Variants in UBE2Q2 observed in about 807,000 individuals in gnomAD.
UBE2Q2 encodes the protein ubiquitin conjugating enzyme E2 Q2.
UBE2Q2 carries 54 observed loss-of-function variants against 59.9 expected under a neutral mutation model. The ratio of observed to expected loss-of-function variants is 0.90; its 90% CI spans 0.72 to 1.13. The LOEUF is 1.13. Ranked by LOEUF, UBE2Q2 falls within the 50% of genes most tolerant of loss-of-function variation. The probability of loss-of-function intolerance (pLI) is 0.00; values close to 1 mark genes in which losing one functional copy is unlikely to be tolerated. For synonymous variants in UBE2Q2, 165 were observed against 155.2 expected (o/e 1.06, Z -0.47); for missense variants, 433 against 441.9 (o/e 0.98, Z 0.18).
At chr15:75,882,495 C>T (rs1198081599) in intron 8 of UBE2Q2, among the ~76,000 whole-genome samples, 1 of 152,122 alleles carries the variant, frequency 6.6e-6, no homozygotes, top group Non-Finnish European at 1.5e-5. Flanking sequence ...TTTGTAGTCA[C>T]TCATTAGGGA....
rs1286996555 is a variant in UBE2Q2, at chr15:75,843,865, G to T, written c.180+19G>T. 1 of 1,541,108 alleles carries T rather than the reference G, an allele frequency of 6.5e-7. No homozygotes were observed. On this transcript the variant is annotated intron_variant, in intron 1 of 12. Transcript: ENST00000267938. ...CATCACGGTGAGGCGCCCGGCCGCG[G>T]CCCCGCGGGGCAGGGCGAGGACGGA...
chr15:75,872,215 G>A (rs1897832593), intron 4 of UBE2Q2, among the ~76,000 whole-genome samples: 2 of 151,664 alleles, frequency 1.3e-5, no homozygotes, highest in South Asian at 2.1e-4. Context: ...GCAACGGAGC[G>A]AGACTCCATC....
At position 75,869,023 on chromosome 15, in the gene UBE2Q2, T is replaced by TA; in HGVS notation, c.447+14dup. The stretch of plus-strand genomic sequence containing the variant: ...AGAGATGGCTGAAGTAGGTATTTTA[T>TA]ATAAAAGAAGAGTTCATAAATTTCT... On this transcript the variant is annotated intron_variant, in intron 4 of 12. Coordinates refer to ENST00000267938, the MANE Select transcript of UBE2Q2 (RefSeq NM_173469.4). 1 of 1,604,960 alleles carries TA rather than the reference T, an allele frequency of 6.2e-7. No homozygotes were observed. Among genetic ancestry groups the TA allele is most frequent in the African/African-American group, 1.3e-5 (1 of 74,552 alleles).
rs771944412 is a variant in UBE2Q2, at chr15:75,843,793, C to T, written c.127C>T (p.Gln43Ter). ...GCACTGCCAGTTCCTGGTGCCGCAG[C>T]AGGGCAGCCCGCACTCGCTGCCGCC... is the stretch of plus-strand genomic sequence containing the variant. ...ELHCQFLVPQ[Q>*]GSPHSLPPPL... Residue 43 changes from glutamine to a stop codon, truncating the protein, a stop_gained, in exon 1 of 13, where the codon CAG (glutamine) becomes TAG (stop). Transcript: ENST00000267938. LOFTEE classifies it high-confidence loss of function. 3 of 1,607,086 alleles carry T rather than the reference C, an allele frequency of 1.9e-6. No homozygotes were observed. Among genetic ancestry groups the T allele is most frequent in the Admixed American group, 1.7e-5 (1 of 59,528 alleles).
intron 1 of UBE2Q2, among the ~76,000 whole-genome samples, chr15:75,849,231 A>G (rs892939010): frequency 4.6e-5 from 7 of 152,172 alleles, no homozygotes; most frequent in African/African-American, 1.4e-4. Flanking sequence ...AATTCTGTCA[A>G]TTTACTTCGT....
At chr15:75,896,034 T>C (rs1899402738) in intron 11 of UBE2Q2, among the ~76,000 whole-genome samples, 1 of 152,290 alleles carries the variant, frequency 6.6e-6, no homozygotes, top group South Asian at 2.1e-4. Context: ...AAAACAGGTA[T>C]GTTCTATACT....
In UBE2Q2 at chr15:75,859,907, T is replaced by C. The variant is rs200781215; in HGVS notation, c.312T>C (p.Cys104=). 18 of 1,601,208 alleles carry C rather than the reference T, an allele frequency of 1.1e-5. No individual in the cohort carries two copies. The African/African-American group carries it at 2.3e-4, about 20-fold the overall frequency. ...LLRQQLKWLI[C]ELCSLYNLPK... is the part of the protein sequence containing the mutation. Reference sequence around the variant, plus strand: ...GTCAGCAATTGAAGTGGTTGATATGTGAACTCTGCAGTTTATATAACCTTC... The same window carrying C: ...GTCAGCAATTGAAGTGGTTGATATGCGAACTCTGCAGTTTATATAACCTTC... The change falls in exon 3 of 13, where the codon TGT becomes TGC. Residue 104 remains cysteine, a synonymous_variant. Coordinates refer to ENST00000267938, the MANE Select transcript of UBE2Q2 (RefSeq NM_173469.4).
intron 3 of UBE2Q2, among the ~76,000 whole-genome samples, chr15:75,863,227 C>T (rs2593282): frequency 6.6e-6 from 1 of 152,198 alleles, no homozygotes; most frequent in African/African-American, 2.4e-5. Flanking sequence ...CAATATCCCC[C>T]TAACCTCCAC....
chr15:75,856,853 G>GA (rs1201807021), intron 2 of UBE2Q2, among the ~76,000 whole-genome samples: 2 of 151,922 alleles, frequency 1.3e-5, no homozygotes, highest in Non-Finnish European at 2.9e-5. Flanking sequence ...TGAGGCAGGA[G>GA]AAGTGCTTCA....
At chr15:75,857,410 G>A (rs1431025630) in intron 2 of UBE2Q2, among the ~76,000 whole-genome samples, 1 of 152,160 alleles carries the variant, frequency 6.6e-6, no homozygotes, top group African/African-American at 2.4e-5. Flanking sequence ...TTTTTTAAAA[G>A]TGAATATATT....
chr15:75,844,615 T>C, intron 1 of UBE2Q2: 1 of 1,027,388 alleles, frequency 9.7e-7, no homozygotes. Flanking sequence ...GAAAAGACAC[T>C]TTTAAAAACT....
Position 75,883,346 on chromosome 15 carries a change from C to G in UBE2Q2, c.826-20C>G, listed in dbSNP as rs535104493. ...AAGGATGTTCTTTAAATTAATTAAA[C>G]TTGCTTATTTGCTTTTTAGGATAAC... On this transcript the variant is annotated intron_variant, in intron 8 of 12. Transcript: ENST00000267938. The G allele has an allele frequency of 1.2e-5, 20 of 1,606,464 alleles. No individual in the cohort carries two copies. The highest frequency in any genetic ancestry group is 1.6e-5 in the Non-Finnish European group (19 of 1,174,082).
intron 11 of UBE2Q2, among the ~76,000 whole-genome samples, chr15:75,896,676 C>A (rs1899440832): frequency 6.6e-6 from 1 of 152,030 alleles, no homozygotes; most frequent in African/African-American, 2.4e-5. Context: ...CAGATATAAT[C>A]CTTTAACTTG....
In UBE2Q2 at chr15:75,876,247, T is replaced by C. The variant is rs1317862880; in HGVS notation, c.649T>C (p.Tyr217His). 3.1e-6 allele frequency: 5 copies of C among 1,613,748 alleles called. No individual in the cohort carries two copies. Among genetic ancestry groups the C allele is most frequent in the African/African-American group, 1.3e-5 (1 of 74,880 alleles). The change falls in exon 6 of 13, where the codon TAC (tyrosine) becomes CAC (histidine). Residue 217 changes from tyrosine (Y) to histidine (H), a missense_variant. By Grantham distance (83) the Tyr-to-His change is moderately conservative. Transcript: ENST00000267938. ...ACTTATGAAAGAGCTCAGGGACATA[T>C]ACAGATCACAGAGTTATAAAACAGG... Reference protein sequence around the residue: ...DRLMKELRDIYRSQSYKTGIY... With the variant: ...DRLMKELRDIHRSQSYKTGIY...
chr15:75,847,954 C>G (rs1281914363), intron 1 of UBE2Q2, among the ~76,000 whole-genome samples: 2 of 152,066 alleles, frequency 1.3e-5, no homozygotes, highest in Admixed American at 1.3e-4. Context: ...AATTAAATTT[C>G]TATTCATTAT....
chr15:75,886,865 A>T (rs190140775), intron 9 of UBE2Q2, among the ~76,000 whole-genome samples: 1 of 146,162 alleles, frequency 6.8e-6, no homozygotes, highest in Non-Finnish European at 1.5e-5. Context: ...TCCGTCTCAA[A>T]TTTTTTTTTT....
intron 3 of UBE2Q2, among the ~76,000 whole-genome samples, chr15:75,863,626 T>C (rs994328970): frequency 1.3e-5 from 2 of 150,978 alleles, no homozygotes; most frequent in East Asian, 1.9e-4. Context: ...TTTATAAACA[T>C]CTATGATCAC....
In UBE2Q2 at chr15:75,843,485, C is replaced by A; in HGVS notation, c.-182C>A. The A allele has an allele frequency of 3.5e-6, 1 of 287,600 alleles. No individual in the cohort carries two copies. Among genetic ancestry groups the A allele is most frequent in the Non-Finnish European group, 6.1e-6 (1 of 164,662 alleles). The allele number at this position is 287,600 out of a possible 1,614,324, so 17.8% of individuals were successfully genotyped here. A position where few individuals can be genotyped will look rare whatever the true frequency, so the allele number is the denominator to read the frequency against. ...ACAAAGGAAGCGCCACCCAGGCCGC[C>A]ACACGCCGAGGCTTCCGCGCCCCTC... On this transcript the variant is annotated 5_prime_UTR_variant, in exon 1 of 13. Transcript: ENST00000267938.
At chr15:75,867,606 A>T (rs944767743) in intron 3 of UBE2Q2, among the ~76,000 whole-genome samples, 1 of 152,124 alleles carries the variant, frequency 6.6e-6, no homozygotes, top group African/African-American at 2.4e-5. Context: ...CGATTAACTC[A>T]CTTTTTGTTT....
Sources: gnomAD v4.1 joint callset for allele counts (sites outside exome capture counted in the v4.1 genomes callset) on GRCh38, gnomAD v4.1.1 for gene constraint, MANE v1.5 for transcripts, NCBI Gene and HGNC (gene_info 2026-07-23, HGNC 2026-07-21) for gene names.